ORC4: variants seen among roughly 807,000 people sequenced by gnomAD.
ORC4 encodes origin recognition complex subunit 4, also known as origin recognition complex, subunit 4 homolog.
In ORC4, 55 loss-of-function variants were observed where a neutral mutation model predicts 63.9. The observed-to-expected ratio is 0.86, with a 90% CI of 0.69 to 1.08. The LOEUF (loss-of-function observed/expected upper bound fraction) is 1.08. Among genes scored for constraint, ORC4 ranks in the 50% least tolerant of loss-of-function variants. The pLI is 0.00. For missense variants in ORC4, 511 were observed against 504.4 expected (o/e 1.01, Z -0.13); for synonymous variants, 150 against 168.5 (o/e 0.89, Z 0.85).
rs974910326 is a variant in ORC4, at chr2:147,931,721, A to G, written c.*3789T>C. The stretch of plus-strand genomic sequence containing the variant: ...AGACAAAAAACACATGATTATCTCA[A>G]TAGATGCAGAAAAAGCCTTTGACAA... On this transcript the variant is annotated 3_prime_UTR_variant, in exon 14 of 14. Transcript: ENST00000392857. 5 of 152,134 alleles carry G rather than the reference A, an allele frequency of 3.3e-5. No individual in the cohort carries two copies. Among genetic ancestry groups the G allele is most frequent in the Admixed American group, 2.6e-4 (4 of 15,250 alleles). 9.4% of individuals were successfully genotyped at this position (152,134 alleles called of 1,614,324 possible).
chr2:147,952,290 G>T (rs1044992588), intron 8 of ORC4, 83 bp downstream of exon 8: 6 of 1,027,182 alleles, frequency 5.8e-6, no homozygotes, highest in Admixed American at 2.3e-5. Flanking sequence ...ACCTAAATAA[G>T]TGAAAAAAAC....
intron 1 of ORC4, among the ~76,000 whole-genome samples, chr2:148,009,772 C>T (rs1034417197): frequency 2.0e-5 from 3 of 152,188 alleles, no homozygotes; most frequent in Non-Finnish European, 4.4e-5. Context: ...CATTCTTCTC[C>T]TTAGCACATG....
intron 1 of ORC4, among the ~76,000 whole-genome samples, chr2:147,987,409 C>T (rs1393429518): frequency 6.8e-6 from 1 of 147,458 alleles, no homozygotes; most frequent in Non-Finnish European, 1.5e-5. Context: ...CACACACACA[C>T]ACAAAAAGTA....
intron 1 of ORC4, among the ~76,000 whole-genome samples, chr2:148,001,255 G>A (rs1692285181): frequency 6.6e-6 from 1 of 152,136 alleles, no homozygotes; most frequent in Admixed American, 6.6e-5. Flanking sequence ...ACTTAAGCAT[G>A]TGTTCTTTTA....
intron 9 of ORC4, among the ~76,000 whole-genome samples, chr2:147,945,704 A>G (rs1044139427): frequency 1.3e-5 from 2 of 152,112 alleles, no homozygotes; most frequent in Admixed American, 6.6e-5. Flanking sequence ...TATCCTGAAG[A>G]TATTTCTTGG....
At position 147,970,111 on chromosome 2, in the gene ORC4, C is replaced by T. The variant is rs540688663; in HGVS notation, c.225+2628G>A. ...AATAAAAAACACAGTACTATTCGCA[C>T]TAGAACCAAAAAAATGAAAAATTAG... On this transcript the variant is annotated intron_variant, in intron 4 of 13. Coordinates refer to ENST00000392857, the MANE Select transcript of ORC4 (RefSeq NM_181741.4). Among the ~76,000 whole-genome samples, 3 of 152,104 alleles carry T rather than the reference C, an allele frequency of 2.0e-5. No homozygotes were observed. In the South Asian group the frequency reaches 6.2e-4, roughly 32 times the overall value.
rs1382736293 is a variant in ORC4 at position 147,932,288 on chromosome 2, G to C, written c.*3222C>G. On this transcript the variant is annotated 3_prime_UTR_variant, in exon 14 of 14. Coordinates refer to ENST00000392857, the MANE Select transcript of ORC4 (RefSeq NM_181741.4). ...TCTTCAAGGAGAACTACAAGCTACT[G>C]CTCAAGGAAATAAAAGAGGATACAA... is the stretch of plus-strand genomic sequence containing the variant. The C allele has an allele frequency of 6.6e-6, 1 of 152,074 alleles. No individual in the cohort carries two copies. The highest frequency in any genetic ancestry group is 2.4e-5 in the African/African-American group (1 of 41,376). The allele number at this position is 152,074 out of a possible 1,614,324, so 9.4% of individuals were successfully genotyped here. A position where few individuals can be genotyped will look rare whatever the true frequency, so the allele number is the denominator to read the frequency against.
intron 8 of ORC4, 45 bp from the exon 9 acceptor site, chr2:147,948,269 A>T (rs777043800): frequency 1.7e-5 from 23 of 1,338,176 alleles, no homozygotes; most frequent in African/African-American, 7.3e-5. Context: ...GAATGTTTTT[A>T]AAAAAACAAA....
chr2:147,963,019 C>T (rs117436004), intron 4 of ORC4, among the ~76,000 whole-genome samples: 517 of 152,214 alleles, frequency 3.4e-3, no homozygotes, highest in East Asian at 8.3e-3. Context: ...CATACTAGGC[C>T]TGAGAAGTAG....
chr2:147,955,197 T>G, intron 7 of ORC4, 150 bp downstream of exon 7: 2 of 613,656 alleles, frequency 3.3e-6, no homozygotes, highest in Non-Finnish European at 5.9e-6. Flanking sequence ...GTTATAGTGG[T>G]GGGAATACAG....
At position 147,932,164 on chromosome 2, in the gene ORC4, GACAA is replaced by G. The variant is rs1233859507; in HGVS notation, c.*3342_*3345del. The G allele has an allele frequency of 3.6e-4, 54 of 148,632 alleles. No homozygotes were observed. The highest frequency in any genetic ancestry group is 3.0e-3 in the East Asian group (15 of 5,008). The allele number at this position is 148,632 out of a possible 1,614,324, so 9.2% of individuals were successfully genotyped here. A position where few individuals can be genotyped will look rare whatever the true frequency, so the allele number is the denominator to read the frequency against. ...CAAGCATTCTTATACACCAACAACAGACAAACAGAGAGCCAAATCATGAGTGAAC... is the reference window on the plus strand; with the variant it reads ...CAAGCATTCTTATACACCAACAACAGACAGAGAGCCAAATCATGAGTGAAC... On this transcript the variant is annotated 3_prime_UTR_variant, in exon 14 of 14. Transcript: ENST00000392857.
intron 8 of ORC4, chr2:147,951,649 A>G (rs1688966046): frequency 6.6e-6 from 1 of 152,214 alleles, no homozygotes; most frequent in Admixed American, 6.5e-5. Context: ...CTGTGAGATA[A>G]ATAAACTTCT....
intron 4 of ORC4, among the ~76,000 whole-genome samples, chr2:147,972,517 G>A (rs926566600): frequency 1.3e-5 from 2 of 151,444 alleles, no homozygotes; most frequent in Admixed American, 1.3e-4. Context: ...ACAAATAAGG[G>A]GGAAAAAGGT....
chr2:147,984,652 T>C (rs1691088105), intron 1 of ORC4, among the ~76,000 whole-genome samples: 1 of 152,152 alleles, frequency 6.6e-6, no homozygotes. Flanking sequence ...CATTTTAAAT[T>C]TACTTCTGTA....
intron 1 of ORC4, among the ~76,000 whole-genome samples, chr2:148,010,955 A>G (rs568482889): frequency 6.8e-6 from 1 of 147,656 alleles, no homozygotes; most frequent in South Asian, 2.1e-4. Context: ...CAGCCTCCAG[A>G]TTAGCTGGGA....
intron 1 of ORC4, among the ~76,000 whole-genome samples, chr2:147,992,350 G>GA (rs1459940563): frequency 7.2e-5 from 11 of 152,084 alleles, no homozygotes; most frequent in African/African-American, 1.9e-4. Flanking sequence ...ATGAACTCCT[G>GA]GCCTCAAGCA....
intron 11 of ORC4, among the ~76,000 whole-genome samples, chr2:147,938,847 C>G (rs942141988): frequency 6.6e-6 from 1 of 152,008 alleles, no homozygotes; most frequent in African/African-American, 2.4e-5. Context: ...ATAACAAACC[C>G]AAAATGACTG....
chr2:148,021,478 C>CTCT (rs1418536412), upstream of ORC4: 23 of 576,732 alleles, frequency 4.0e-5, no homozygotes, highest in African/African-American at 3.4e-4. Context: ...GCTGCTGCTG[C>CTCT]TGTTGCTGCT....
intron 1 of ORC4, among the ~76,000 whole-genome samples, chr2:148,011,954 A>C (rs1188148918): frequency 1.3e-5 from 2 of 152,040 alleles, no homozygotes; most frequent in African/African-American, 4.8e-5. Flanking sequence ...AAGAGGACAC[A>C]AACAAATGAA....
Sources: gnomAD v4.1 joint callset for allele counts (sites outside exome capture counted in the v4.1 genomes callset) on GRCh38, gnomAD v4.1.1 for gene constraint, MANE v1.5 for transcripts, NCBI Gene and HGNC (gene_info 2026-07-23, HGNC 2026-07-21) for gene names.